The following PIP4K2A variants were observed in gnomAD, a reference collection of about 807,000 sequenced individuals.
The protein encoded by PIP4K2A is phosphatidylinositol 5-phosphate 4-kinase type-2 alpha.
Under a neutral mutation model 42.9 loss-of-function variants are expected in PIP4K2A, and 14 were observed. The ratio of observed to expected loss-of-function variants is 0.33; its 90% CI spans 0.22 to 0.51. The LOEUF is 0.51. Among genes scored for constraint, PIP4K2A ranks in the 20% least tolerant of loss-of-function variants. The pLI, the probability that PIP4K2A is intolerant of heterozygous loss-of-function variation, is 0.97. For synonymous variants in PIP4K2A, 192 were observed against 192.2 expected, an observed-to-expected ratio of 1.00 and a Z score of 0.01; for missense variants, 434 against 519.8, an observed-to-expected ratio of 0.83 and a Z score of 1.61.
intron 3 of PIP4K2A, among the ~76,000 whole-genome samples, chr10:22,603,560 C>T (rs371072006): frequency 1.3e-5 from 2 of 152,154 alleles, no homozygotes; most frequent in East Asian, 1.9e-4. Flanking sequence ...CTGTAAATCT[C>T]GTTAGCATCT....
At chr10:22,703,336 G>A (rs1235879191) in intron 1 of PIP4K2A, among the ~76,000 whole-genome samples, 1 of 152,146 alleles carries the variant, frequency 6.6e-6, no homozygotes, top group Non-Finnish European at 1.5e-5. Flanking sequence ...TTGAGCCCAG[G>A]ACTTCAAGGC....
At position 22,666,394 on chromosome 10, in the gene PIP4K2A, T is replaced by C. The variant is rs530585987; in HGVS notation, c.144+47789A>G. Among the ~76,000 whole-genome samples the C allele has an allele frequency of 6.6e-5, 10 of 152,296 alleles. No homozygotes were observed. In the South Asian group the frequency reaches 1.2e-3, roughly 19 times the overall value. ...CATATAAAAGTCACGGGAGAAACCATGACCTTTCAATGCTCTTTTCCCAAT... is the reference window on the plus strand; with the variant it reads ...CATATAAAAGTCACGGGAGAAACCACGACCTTTCAATGCTCTTTTCCCAAT... On this transcript the variant is annotated intron_variant, in intron 1 of 9. Transcript: ENST00000376573.
At chr10:22,554,731 G>A (rs894139160) in intron 6 of PIP4K2A, among the ~76,000 whole-genome samples, 23 of 152,210 alleles carry the variant, frequency 1.5e-4, no homozygotes, top group Non-Finnish European at 2.8e-4. Flanking sequence ...TAAGTAAGGC[G>A]GGACGATTGC....
intron 1 of PIP4K2A, among the ~76,000 whole-genome samples, chr10:22,617,310 G>C (rs1250441404): frequency 2.6e-5 from 4 of 152,236 alleles, no homozygotes; most frequent in Non-Finnish European, 5.9e-5. Flanking sequence ...AAATAAGTGA[G>C]ACCCAGCTGG....
chr10:22,664,118 T>TATATATATATACATATATATATAC (rs1564459999), intron 1 of PIP4K2A, among the ~76,000 whole-genome samples: 15 of 58,538 alleles, frequency 2.6e-4, no homozygotes, highest in East Asian at 2.0e-3. Context: ...TATATATACA[T>TATATATATATACATATATATATAC]ATATATATAT....
chr10:22,574,013 G>A (rs550606161), intron 4 of PIP4K2A, among the ~76,000 whole-genome samples: 11 of 152,368 alleles, frequency 7.2e-5, no homozygotes, highest in East Asian at 1.9e-4. Flanking sequence ...CTGCTCTGCC[G>A]GCAGATGGGG....
At chr10:22,634,575 A>G (rs1838621339) in intron 1 of PIP4K2A, among the ~76,000 whole-genome samples, 1 of 152,186 alleles carries the variant, frequency 6.6e-6, no homozygotes, top group African/African-American at 2.4e-5. Context: ...AATTTAGAAA[A>G]CCAATTAAGA....
chr10:22,569,911 A>G (rs1237213482), intron 5 of PIP4K2A, among the ~76,000 whole-genome samples: 2 of 152,224 alleles, frequency 1.3e-5, no homozygotes, highest in South Asian at 2.1e-4. Flanking sequence ...AACTGAGAGC[A>G]CTGGCAAGAA....
intron 1 of PIP4K2A, among the ~76,000 whole-genome samples, chr10:22,652,076 T>TGAATAACCACTAATAGTCATG (rs1839006996): frequency 6.6e-6 from 1 of 152,142 alleles, no homozygotes. Flanking sequence ...TAATTTGTGT[T>TGAATAACCACTAATAGTCATG]GAATAACCAC....
chr10:22,557,559 G>T (rs994477851), intron 6 of PIP4K2A, among the ~76,000 whole-genome samples: 1 of 152,164 alleles, frequency 6.6e-6, no homozygotes, highest in East Asian at 1.9e-4. Flanking sequence ...ATATGGAGTT[G>T]AGCAATATTG....
intron 1 of PIP4K2A, among the ~76,000 whole-genome samples, chr10:22,684,746 C>A (rs955741392): frequency 1.3e-5 from 2 of 152,166 alleles, no homozygotes; most frequent in Admixed American, 6.5e-5. Context: ...TTGTAAATTA[C>A]CCTGGAGTTC....
At chr10:22,553,047 A>G (rs1166483424) in intron 6 of PIP4K2A, among the ~76,000 whole-genome samples, 1 of 152,190 alleles carries the variant, frequency 6.6e-6, no homozygotes, top group African/African-American at 2.4e-5. Flanking sequence ...TGTGACAGGG[A>G]AAGTATAATC....
chr10:22,615,983 A>G (rs1838169770), intron 1 of PIP4K2A, among the ~76,000 whole-genome samples: 1 of 151,832 alleles, frequency 6.6e-6, no homozygotes, highest in Admixed American at 6.6e-5. Context: ...CGTGCCAGTC[A>G]CCCCCAAATT....
intron 6 of PIP4K2A, among the ~76,000 whole-genome samples, chr10:22,565,304 G>A (rs1836819430): frequency 6.6e-6 from 1 of 152,182 alleles, no homozygotes; most frequent in African/African-American, 2.4e-5. Context: ...GGGAAGTCAG[G>A]GACCCCAAAC....
chr10:22,613,751 G>T (rs1271048387), intron 1 of PIP4K2A, among the ~76,000 whole-genome samples: 1 of 152,204 alleles, frequency 6.6e-6, no homozygotes, highest in Non-Finnish European at 1.5e-5. Context: ...TGAACTTGTG[G>T]ATGACATTCC....
At chr10:22,687,459 G>A (rs1007086944) in intron 1 of PIP4K2A, among the ~76,000 whole-genome samples, 1 of 152,056 alleles carries the variant, frequency 6.6e-6, no homozygotes, top group African/African-American at 2.4e-5. Flanking sequence ...TAGACCTCAT[G>A]TATTAACATG....
chr10:22,655,253 C>A lies in PIP4K2A; in HGVS notation c.145-45536G>T, dbSNP rs149162835. Among the ~76,000 whole-genome samples the A allele has an allele frequency of 3.8e-3, 581 of 152,294 alleles. 3 individuals carry two copies. The highest frequency in any genetic ancestry group is 0.013 in the African/African-American group (545 of 41,558). On this transcript the variant is annotated intron_variant, in intron 1 of 9. Coordinates refer to ENST00000376573, the MANE Select transcript of PIP4K2A (RefSeq NM_005028.5). The stretch of plus-strand genomic sequence containing the variant: ...AAAATACCATCTCTAAGGCAGAGGT[C>A]TGAAGATTTTTAAGAAAAGCTGAAG...
At chr10:22,587,220 C>G (rs1330476788) in intron 4 of PIP4K2A, among the ~76,000 whole-genome samples, 1 of 150,810 alleles carries the variant, frequency 6.6e-6, no homozygotes, top group South Asian at 2.1e-4. Flanking sequence ...TTCCTTAAAA[C>G]AAAAAACAAC....
intron 3 of PIP4K2A, 41 bp downstream of exon 3, chr10:22,607,886 C>T (rs1236486615): frequency 3.1e-6 from 4 of 1,298,274 alleles, no homozygotes; most frequent in East Asian, 2.3e-5. Flanking sequence ...CATGGCAAAA[C>T]CCATTTCCTA....
Sources: gnomAD v4.1 joint callset for allele counts (sites outside exome capture counted in the v4.1 genomes callset) on GRCh38, gnomAD v4.1.1 for gene constraint, MANE v1.5 for transcripts, NCBI Gene and HGNC (gene_info 2026-07-23, HGNC 2026-07-21) for gene names.